SPIDR: variants seen among roughly 807,000 people sequenced by gnomAD.
The protein encoded by SPIDR is scaffold protein involved in DNA repair.
Under a neutral mutation model 104.6 loss-of-function variants are expected in SPIDR, and 93 were observed. The observed-to-expected ratio is 0.89, with a 90% CI of 0.75 to 1.06. The LOEUF is 1.06. Among genes scored for constraint, SPIDR ranks in the 50% least tolerant of loss-of-function variants. The pLI is 0.00. For synonymous variants in SPIDR, 431 were observed against 416.9 expected (o/e 1.03, Z -0.41); for missense variants, 1,154 against 1,111.2 (o/e 1.04, Z -0.55).
chr8:47,560,625 G>C (rs2056945928), intron 8 of SPIDR, among the ~76,000 whole-genome samples: 1 of 152,204 alleles, frequency 6.6e-6, no homozygotes, highest in Non-Finnish European at 1.5e-5. Context: ...CATTGTGCCT[G>C]TCTGGCTGAT....
chr8:47,551,314 T>C (rs2090431995), intron 8 of SPIDR, among the ~76,000 whole-genome samples: 1 of 152,262 alleles, frequency 6.6e-6, no homozygotes, highest in Admixed American at 6.5e-5. Context: ...TCCCTCTTTT[T>C]CTATTGATGT....
At chr8:47,591,462 C>A (rs1333911271) in intron 8 of SPIDR, among the ~76,000 whole-genome samples, 1 of 146,614 alleles carries the variant, frequency 6.8e-6, no homozygotes, top group Non-Finnish European at 1.5e-5. Flanking sequence ...ATTTATTTAT[C>A]TTTTAGAATA....
At chr8:47,318,014 G>A (rs1027825430) in intron 5 of SPIDR, among the ~76,000 whole-genome samples, 2,210 of 152,210 alleles carry the variant, frequency 0.015, 55 homozygotes, top group African/African-American at 0.051. Flanking sequence ...CAGAAAAACT[G>A]GAAACTCTAA....
chr8:47,491,063 G>C (rs1767127217), intron 8 of SPIDR, among the ~76,000 whole-genome samples: 1 of 152,098 alleles, frequency 6.6e-6, no homozygotes, highest in Admixed American at 6.5e-5. Context: ...GCCAAAACTT[G>C]TAACTACAAA....
chr8:47,528,431 TCA>T (rs947142883), intron 8 of SPIDR, among the ~76,000 whole-genome samples: 2 of 152,170 alleles, frequency 1.3e-5, no homozygotes, highest in African/African-American at 4.8e-5. Context: ...GACAAATAAG[TCA>T]CAGTTTGAAG....
At chr8:47,370,166 C>T (rs1554637729) in intron 5 of SPIDR, among the ~76,000 whole-genome samples, 1 of 152,036 alleles carries the variant, frequency 6.6e-6, no homozygotes, top group African/African-American at 2.4e-5. Context: ...CAAATGTGGT[C>T]GTGGACTCTG....
chr8:47,493,016 G>GGAGAGAGA (rs35531714), intron 8 of SPIDR, among the ~76,000 whole-genome samples: 16 of 140,484 alleles, frequency 1.1e-4, no homozygotes, highest in African/African-American at 4.2e-4. Context: ...TTGAGCCATT[G>GGAGAGAGA]GAGAGAGAGA....
intron 8 of SPIDR, among the ~76,000 whole-genome samples, chr8:47,550,586 T>G (rs1222937293): frequency 6.6e-6 from 1 of 152,150 alleles, no homozygotes. Context: ...TTGGTGTATA[T>G]AGGAATGCTT....
chr8:47,683,334 G>T (rs963440297), intron 11 of SPIDR, among the ~76,000 whole-genome samples: 4 of 152,162 alleles, frequency 2.6e-5, no homozygotes, highest in Non-Finnish European at 5.9e-5. Context: ...TGCCCTCAAG[G>T]CATTTACACT....
At chr8:47,377,252 G>A (rs1342788043) in intron 5 of SPIDR, among the ~76,000 whole-genome samples, 2 of 152,144 alleles carry the variant, frequency 1.3e-5, no homozygotes. Flanking sequence ...ACATCTCACT[G>A]TACTGAAATG....
chr8:47,553,918 G>A (rs2090949326), intron 8 of SPIDR, among the ~76,000 whole-genome samples: 5 of 152,162 alleles, frequency 3.3e-5, no homozygotes, highest in South Asian at 2.1e-4. Context: ...GTGATGTACC[G>A]ATGGGGTTTT....
chr8:47,284,888 G>A (rs937003744), intron 3 of SPIDR, among the ~76,000 whole-genome samples: 46 of 152,370 alleles, frequency 3.0e-4, no homozygotes, highest in African/African-American at 1.0e-3. Context: ...TAGTAATGAA[G>A]AAGGGGTGGA....
chr8:47,373,307 T>C (rs906332886), intron 5 of SPIDR, among the ~76,000 whole-genome samples: 2 of 152,176 alleles, frequency 1.3e-5, no homozygotes, highest in African/African-American at 4.8e-5. Context: ...GTCACTCTTA[T>C]TTAGGGTATA....
chr8:47,319,986 G>A (rs1311410995), intron 5 of SPIDR, among the ~76,000 whole-genome samples: 1 of 150,638 alleles, frequency 6.6e-6, no homozygotes, highest in Non-Finnish European at 1.5e-5. Flanking sequence ...ATGCCCACAA[G>A]AGAAAGCAGG....
At chr8:47,438,445 GA>G (rs1554693987) in intron 7 of SPIDR, among the ~76,000 whole-genome samples, 1 of 152,106 alleles carries the variant, frequency 6.6e-6, no homozygotes, top group Non-Finnish European at 1.5e-5. Flanking sequence ...CCCTGCTGAG[GA>G]AAAAAAGCTT....
chr8:47,506,788 G>A (rs1403870686), intron 8 of SPIDR, among the ~76,000 whole-genome samples: 1 of 152,132 alleles, frequency 6.6e-6, no homozygotes, highest in African/African-American at 2.4e-5. Flanking sequence ...CTTCTAGTGA[G>A]GATAAAATGG....
Position 47,533,368 on chromosome 8 carries a change from A to C in SPIDR, c.1098-62443A>C, listed in dbSNP as rs190549025. Among the ~76,000 whole-genome samples the C allele has an allele frequency of 2.0e-5, 3 of 152,324 alleles. No homozygotes were observed. The East Asian group carries it at 5.8e-4, about 29-fold the overall frequency. ...TACCATCCTCGACATAGGAATGGGC[A>C]AAGATTTCATGACAAAGACACCAAA... On this transcript the variant is annotated intron_variant, in intron 8 of 19. Transcript: ENST00000297423.
chr8:47,466,899 AAAT>A lies in SPIDR; in HGVS notation c.1097+26359_1097+26361del, dbSNP rs1302253325. ...GTTAGTTTTTTTTGAAAAAAAAAAAAAATATATATATATATAGATAGATAGATA... is the reference window on the plus strand; with the variant it reads ...GTTAGTTTTTTTTGAAAAAAAAAAAAATATATATATATAGATAGATAGATA... On this transcript the variant is annotated intron_variant, in intron 8 of 19. Transcript: ENST00000297423. 5.3e-4 allele frequency among the ~76,000 whole-genome samples: 40 copies of A among 75,368 alleles called. 1 individual carries two copies. The highest frequency in any genetic ancestry group is 1.9e-3 in the African/African-American group (34 of 17,502). 49.4% of individuals were successfully genotyped at this position (75,368 alleles called of 152,430 possible). A position where few individuals can be genotyped will look rare whatever the true frequency, so the allele number is the denominator to read the frequency against.
Position 47,368,343 on chromosome 8 carries a change from C to CAA in SPIDR, c.526-27993_526-27992dup, listed in dbSNP as rs34106189. ...ACAGAGTCAGAAGGAGTTGAGAAGT[C>CAA]AAAAAAAAAAAAAAAAAAAAAAAAA... is the stretch of plus-strand genomic sequence containing the variant. On this transcript the variant is annotated intron_variant, in intron 5 of 19. Transcript: ENST00000297423. Among the ~76,000 whole-genome samples, 13 of 49,420 alleles carry CAA rather than the reference C, an allele frequency of 2.6e-4. 2 individuals are homozygous for CAA. Among genetic ancestry groups the CAA allele is most frequent in the South Asian group, 1.4e-3 (2 of 1,400 alleles). 32.4% of individuals were successfully genotyped at this position (49,420 alleles called of 152,430 possible).
Sources: gnomAD v4.1 joint callset for allele counts (sites outside exome capture counted in the v4.1 genomes callset) on GRCh38, gnomAD v4.1.1 for gene constraint, MANE v1.5 for transcripts, NCBI Gene and HGNC (gene_info 2026-07-23, HGNC 2026-07-21) for gene names.